The following TMEM132D variants were observed in gnomAD, a reference collection of about 807,000 sequenced individuals.
TMEM132D encodes mature OL transmembrane protein.
A neutral mutation model predicts 62.3 loss-of-function variants in TMEM132D; 21 were observed. That is an observed-to-expected ratio of 0.34 (90% CI 0.24 to 0.49). The LOEUF is 0.49. Ranked by LOEUF, TMEM132D falls within the 20% of genes least tolerant of loss-of-function variation. TMEM132D has a pLI of 0.99. For missense variants in TMEM132D, 1,346 were observed against 1,402.8 expected (o/e 0.96, Z 0.65); for synonymous variants, 621 against 575.6 (o/e 1.08, Z -1.13).
intron 2 of TMEM132D, among the ~76,000 whole-genome samples, chr12:129,656,273 A>G (rs1417221830): frequency 7.9e-6 from 1 of 126,272 alleles, no homozygotes; most frequent in East Asian, 2.6e-4. Context: ...GAGAAAAGGA[A>G]AGAATGAAAG....
rs71451320 is a variant in TMEM132D at position 129,588,740 on chromosome 12, A to ATTT, written c.969-57538_969-57536dup. 4.2e-3 allele frequency among the ~76,000 whole-genome samples: 129 copies of ATTT among 31,076 alleles called. 2 individuals are homozygous for ATTT. The highest frequency in any genetic ancestry group is 0.02 in the Middle Eastern group (1 of 50). The allele number at this position is 31,076 out of a possible 152,430, so 20.4% of individuals were successfully genotyped here. A position where few individuals can be genotyped will look rare whatever the true frequency, so the allele number is the denominator to read the frequency against. On this transcript the variant is annotated intron_variant, in intron 2 of 8. Coordinates refer to ENST00000422113, the MANE Select transcript of TMEM132D (RefSeq NM_133448.3). ...CAGGCACCTGCCACCACGCCCAGCT[A>ATTT]TTTTTTTCTTTTTTTTTTTTTTTTT...
Position 129,477,993 on chromosome 12 carries a change from G to C in TMEM132D, c.1115+53066C>G, listed in dbSNP as rs141829664. ...GAGTGGACTTACACGAACCAAGATA[G>C]TCATGTCTACCACACACCTAGCCTA... On this transcript the variant is annotated intron_variant, in intron 3 of 8. Coordinates refer to ENST00000422113, the MANE Select transcript of TMEM132D (RefSeq NM_133448.3). Among the ~76,000 whole-genome samples, 28 of 152,212 alleles carry C rather than the reference G, an allele frequency of 1.8e-4. No individual in the cohort carries two copies. The East Asian group carries it at 4.2e-3, about 23-fold the overall frequency.
At chr12:129,279,446 C>A (rs1008842125) in intron 4 of TMEM132D, among the ~76,000 whole-genome samples, 1 of 151,984 alleles carries the variant, frequency 6.6e-6, no homozygotes, top group Non-Finnish European at 1.5e-5. Flanking sequence ...CTGAAACCTG[C>A]AACAGAAGTA....
chr12:129,627,404 GT>G lies in TMEM132D; in HGVS notation c.968+72405del, dbSNP rs146248838. On this transcript the variant is annotated intron_variant, in intron 2 of 8. Transcript: ENST00000422113. ...GGAGCAATAGGCTATACCATATAGA[GT>G]AGGTGTGTAGTAGACTGGAACAGCT... is the stretch of plus-strand genomic sequence containing the variant. Among the ~76,000 whole-genome samples, 333 of 152,284 alleles carry G rather than the reference GT, an allele frequency of 2.2e-3. 3 individuals carry two copies. Among genetic ancestry groups the G allele is most frequent in the African/African-American group, 7.8e-3 (325 of 41,562 alleles).
In TMEM132D at chr12:129,073,989, C is replaced by T. The variant is rs2135601503; in HGVS notation, c.3186G>A (p.Arg1062=). ...AVSSDDEYPT[R]NSIVMSSEDD... ...CCTCGCTACTCATCACGATGGAGTT[C>T]CTGGTGGGGTACTCGTCGTCTGAGG... Residue 1062 remains arginine (R), a synonymous_variant, in exon 9 of 9, where the codon AGG becomes AGA. Coordinates refer to ENST00000422113, the MANE Select transcript of TMEM132D (RefSeq NM_133448.3). 1.2e-6 allele frequency: 2 copies of T among 1,613,882 alleles called. No individual in the cohort carries two copies. Among genetic ancestry groups the T allele is most frequent in the Non-Finnish European group, 1.7e-6 (2 of 1,179,900 alleles).
In TMEM132D at chr12:129,216,742, C is replaced by G. The variant is rs774177811; in HGVS notation, c.1300-7079G>C. Among the ~76,000 whole-genome samples, 249 of 152,214 alleles carry G rather than the reference C, an allele frequency of 1.6e-3. 3 individuals carry two copies. Among genetic ancestry groups the G allele is most frequent in the Non-Finnish European group, 6.2e-4 (42 of 68,004 alleles). ...ATACAGTGACTAGTCAAAAAGGAAG[C>G]GCCTGGATGCCAGAAGCATGGCCAC... On this transcript the variant is annotated intron_variant, in intron 4 of 8. Transcript: ENST00000422113.
rs71085577 is a variant in TMEM132D, at chr12:129,832,035, C to CTTTTTTTTT, written c.79+71217_79+71225dup. On this transcript the variant is annotated intron_variant, in intron 1 of 8. Transcript: ENST00000422113. Reference sequence around the variant, plus strand: ...CAGGCACCTGCCACCATGCCCGGCTCTTTTTTTTTTTTTTTTTTTTTTTTT... The same window carrying CTTTTTTTTT: ...CAGGCACCTGCCACCATGCCCGGCTCTTTTTTTTTTTTTTTTTTTTTTTTTTTTTTTTTT... Among the ~76,000 whole-genome samples, 42 of 94,142 alleles carry CTTTTTTTTT rather than the reference C, an allele frequency of 4.5e-4. 4 individuals are homozygous for CTTTTTTTTT. The highest frequency in any genetic ancestry group is 6.5e-4 in the Non-Finnish European group (34 of 52,302). The allele number at this position is 94,142 out of a possible 152,430, so 61.8% of individuals were successfully genotyped here.
intron 3 of TMEM132D, among the ~76,000 whole-genome samples, chr12:129,444,737 C>T (rs893821981): frequency 6.6e-6 from 1 of 152,198 alleles, no homozygotes; most frequent in Non-Finnish European, 1.5e-5. Context: ...AAAGGCCCAA[C>T]ATCACTGATC....
At chr12:129,090,002 C>G (rs1053878947) in intron 5 of TMEM132D, among the ~76,000 whole-genome samples, 6 of 152,224 alleles carry the variant, frequency 3.9e-5, no homozygotes, top group Non-Finnish European at 8.8e-5. Flanking sequence ...AATGACTTGG[C>G]TGTTCAAACA....
intron 3 of TMEM132D, among the ~76,000 whole-genome samples, chr12:129,527,390 GAACA>G (rs1876079963): frequency 1.3e-5 from 2 of 152,098 alleles, no homozygotes; most frequent in African/African-American, 2.4e-5. Context: ...GTATGATAAT[GAACA>G]AATAGATAAT....
At chr12:129,626,736 G>A (rs955451361) in intron 2 of TMEM132D, among the ~76,000 whole-genome samples, 2 of 152,242 alleles carry the variant, frequency 1.3e-5, no homozygotes, top group South Asian at 2.1e-4. Flanking sequence ...AATTACATGC[G>A]TGAGCCACCA....
chr12:129,155,190 T>G (rs140155956), intron 5 of TMEM132D, among the ~76,000 whole-genome samples: 1 of 152,238 alleles, frequency 6.6e-6, no homozygotes, highest in Non-Finnish European at 1.5e-5. Flanking sequence ...AGGAACTCAC[T>G]AATACCATAT....
chr12:129,264,406 C>T (rs140763548), intron 4 of TMEM132D, among the ~76,000 whole-genome samples: 39 of 152,144 alleles, frequency 2.6e-4, no homozygotes, highest in African/African-American at 8.2e-4. Context: ...AAGAAATCCT[C>T]CCCCAAAACC....
intron 3 of TMEM132D, among the ~76,000 whole-genome samples, chr12:129,400,197 G>A (rs1423487434): frequency 1.3e-5 from 2 of 152,130 alleles, no homozygotes; most frequent in Non-Finnish European, 2.9e-5. Flanking sequence ...AAAAGGCCAA[G>A]TAGAGGGTGA....
intron 5 of TMEM132D, among the ~76,000 whole-genome samples, chr12:129,178,159 C>A (rs532295217): frequency 1.1e-4 from 16 of 152,264 alleles, no homozygotes; most frequent in Non-Finnish European, 2.2e-4. Flanking sequence ...ATTTTCTTTA[C>A]CCAGTCTATC....
At chr12:129,496,847 G>A (rs186936191) in intron 3 of TMEM132D, among the ~76,000 whole-genome samples, 207 of 152,182 alleles carry the variant, frequency 1.4e-3, no homozygotes, top group Non-Finnish European at 2.2e-3. Flanking sequence ...TTCATCCTCC[G>A]CCCTCTTTTG....
intron 3 of TMEM132D, among the ~76,000 whole-genome samples, chr12:129,352,936 A>G (rs542628237): frequency 6.6e-6 from 1 of 152,306 alleles, no homozygotes; most frequent in Admixed American, 6.5e-5. Context: ...ATTACAAATC[A>G]TTCTACCACT....
At chr12:129,811,801 G>A (rs922098987) in intron 1 of TMEM132D, among the ~76,000 whole-genome samples, 1 of 151,634 alleles carries the variant, frequency 6.6e-6, no homozygotes, top group African/African-American at 2.4e-5. Flanking sequence ...GAATGTGGGT[G>A]ACTTTTAGGA....
chr12:129,889,653 T>C (rs1290688926), intron 1 of TMEM132D, among the ~76,000 whole-genome samples: 2 of 152,240 alleles, frequency 1.3e-5, no homozygotes, highest in East Asian at 3.8e-4. Flanking sequence ...CATTATCTTA[T>C]AGTTTGCTTC....
Sources: allele counts gnomAD v4.1 joint callset (sites outside exome capture counted in the v4.1 genomes callset), GRCh38; gene constraint gnomAD v4.1.1; transcripts MANE v1.5; gene names NCBI Gene and HGNC (gene_info 2026-07-23, HGNC 2026-07-21).